The following SH3BGR variants were observed in gnomAD, a reference collection of about 807,000 sequenced individuals.
SH3BGR encodes SH3 domain binding glutamate rich protein.
A neutral mutation model predicts 24.5 loss-of-function variants in SH3BGR; 29 were observed. The observed-to-expected ratio is 1.18, with a 90% CI of 0.88 to 1.61. The LOEUF (loss-of-function observed/expected upper bound fraction) is 1.61, where lower values mean the gene tolerates loss of function less well. Among genes scored for constraint, SH3BGR ranks in the 40% most tolerant of loss-of-function variants. The probability of loss-of-function intolerance (pLI) is 0.00; values close to 1 mark genes in which losing one functional copy is unlikely to be tolerated. For synonymous variants in SH3BGR, 55 were observed against 65.7 expected, an observed-to-expected ratio of 0.84 and a Z score of 0.79; for missense variants, 162 against 205.8, an observed-to-expected ratio of 0.79 and a Z score of 1.30.
Position 39,452,020 on chromosome 21 carries a change from G to A in SH3BGR, c.-77G>A. The A allele has an allele frequency of 1.2e-6, 2 of 1,614,172 alleles. No individual in the cohort carries two copies. The highest frequency in any genetic ancestry group is 1.7e-6 in the Non-Finnish European group (2 of 1,180,020). On this transcript the variant is annotated 5_prime_UTR_variant, in exon 1 of 7. Transcript: ENST00000333634. Reference sequence around the variant, plus strand: ...CCCGACCTGGCACTTGCTTGCCTGTGTCACTGTCAGGATTTGTCTAGCGGC... The same window carrying A: ...CCCGACCTGGCACTTGCTTGCCTGTATCACTGTCAGGATTTGTCTAGCGGC...
chr21:39,497,783 T>C (rs2078424189), intron 3 of SH3BGR, among the ~76,000 whole-genome samples: 1 of 152,192 alleles, frequency 6.6e-6, no homozygotes, highest in South Asian at 2.1e-4. Flanking sequence ...AAAATGAAAT[T>C]CTATTTTCTT....
chr21:39,480,800 AG>A (rs1305685403), intron 3 of SH3BGR, among the ~76,000 whole-genome samples: 1 of 152,226 alleles, frequency 6.6e-6, no homozygotes, highest in Non-Finnish European at 1.5e-5. Flanking sequence ...GGAGAGGCCC[AG>A]GGATCTACAT....
chr21:39,483,037 G>A (rs773474767), intron 3 of SH3BGR, among the ~76,000 whole-genome samples: 2 of 152,194 alleles, frequency 1.3e-5, no homozygotes, highest in Admixed American at 6.5e-5. Context: ...TTAGTTAAAA[G>A]CCCTTAAAAT....
chr21:39,514,512 C>G (rs1713795589), intron 6 of SH3BGR, among the ~76,000 whole-genome samples: 2 of 152,118 alleles, frequency 1.3e-5, no homozygotes, highest in Admixed American at 6.5e-5. Flanking sequence ...CAGGCACGCA[C>G]TACTATGCCT....
At chr21:39,477,225 G>A (rs2078041654) in intron 3 of SH3BGR, among the ~76,000 whole-genome samples, 1 of 151,960 alleles carries the variant, frequency 6.6e-6, no homozygotes, top group African/African-American at 2.4e-5. Flanking sequence ...ATGCTATTAT[G>A]GTGTCATAAT....
intron 4 of SH3BGR, 67 bp downstream of exon 4, chr21:39,499,982 G>A (rs2078466722): frequency 1.7e-6 from 2 of 1,151,294 alleles, no homozygotes; most frequent in Non-Finnish European, 2.6e-6. Flanking sequence ...TACAGGGCTT[G>A]TACAACTTGA....
upstream of SH3BGR, among the ~76,000 whole-genome samples, chr21:39,449,872 G>A (rs1464400556): frequency 6.6e-6 from 1 of 152,200 alleles, no homozygotes; most frequent in Non-Finnish European, 1.5e-5. Context: ...AGCACCTAGA[G>A]CAGATCTGGC....
intron 2 of SH3BGR, among the ~76,000 whole-genome samples, chr21:39,467,296 G>T (rs34564680): frequency 0.13 from 19,157 of 151,970 alleles, 1,648 homozygotes; most frequent in South Asian, 0.17. Flanking sequence ...GAAAGAAAAG[G>T]TTTTCCAAAT....
upstream of SH3BGR, chr21:39,451,813 AG>A: frequency 2.2e-6 from 3 of 1,372,134 alleles, no homozygotes; most frequent in Non-Finnish European, 3.0e-6. Context: ...TTAAAGTGAT[AG>A]GGAAAGGGTC....
intron 4 of SH3BGR, 108 bp downstream of exon 4, chr21:39,500,023 A>C: frequency 1.3e-6 from 1 of 770,190 alleles, no homozygotes; most frequent in South Asian, 1.6e-5. Flanking sequence ...AAAGAGGGCA[A>C]GGAGCTGAGA....
At chr21:39,492,466 G>GTGTATATATATA (rs1404293146) in intron 3 of SH3BGR, among the ~76,000 whole-genome samples, 2 of 139,730 alleles carry the variant, frequency 1.4e-5, no homozygotes, top group African/African-American at 5.7e-5. Context: ...GTGTGTGTGT[G>GTGTATATATATA]TATATATATA....
chr21:39,461,735 GT>G (rs1053637353), intron 1 of SH3BGR, among the ~76,000 whole-genome samples: 18 of 152,250 alleles, frequency 1.2e-4, no homozygotes, highest in African/African-American at 4.3e-4. Context: ...TAGGTTTTCA[GT>G]TTGTTTATGT....
rs1602081343 is a variant in SH3BGR at position 39,462,242 on chromosome 21, A to G, written c.46-133A>G. The G allele has an allele frequency of 1.6e-5, 10 of 634,436 alleles. No homozygotes were observed. The East Asian group carries it at 2.5e-4, about 16-fold the overall frequency. 39.3% of individuals were successfully genotyped at this position (634,436 alleles called of 1,614,324 possible). A position where few individuals can be genotyped will look rare whatever the true frequency, so the allele number is the denominator to read the frequency against. On this transcript the variant is annotated intron_variant, in intron 1 of 6. Transcript: ENST00000333634. ...CTTTATAACAAAGAGGTGTGATTCT[A>G]TTATTTTCCTTGTTTGAATACTTAA...
intron 3 of SH3BGR, among the ~76,000 whole-genome samples, chr21:39,492,481 T>TAC (rs900456010): frequency 0.075 from 6,130 of 81,442 alleles, 151 homozygotes; most frequent in Middle Eastern, 0.14. Flanking sequence ...TATATATATA[T>TAC]ACACACACAC....
At chr21:39,474,886 TAGGG>T (rs1487550884) in intron 2 of SH3BGR, among the ~76,000 whole-genome samples, 3 of 40,082 alleles carry the variant, frequency 7.5e-5, no homozygotes, top group Non-Finnish European at 1.6e-4. Context: ...TGAGCATGGG[TAGGG>T]GTGTGTGTGT....
chr21:39,474,347 A>T (rs907466905), intron 2 of SH3BGR, among the ~76,000 whole-genome samples: 1 of 152,216 alleles, frequency 6.6e-6, no homozygotes, highest in Non-Finnish European at 1.5e-5. Flanking sequence ...CCTGTAGGAC[A>T]AACACCTGTG....
intron 3 of SH3BGR, among the ~76,000 whole-genome samples, chr21:39,496,211 C>CT (rs2078391101): frequency 6.6e-6 from 1 of 152,098 alleles, no homozygotes; most frequent in Admixed American, 6.5e-5. Context: ...TTAAAATTAT[C>CT]TTTATTTGGC....
At chr21:39,504,939 A>G (rs1398907067) in intron 4 of SH3BGR, among the ~76,000 whole-genome samples, 2 of 152,086 alleles carry the variant, frequency 1.3e-5, no homozygotes, top group African/African-American at 4.8e-5. Flanking sequence ...CAGCCTCCCG[A>G]GTAGCTGGGA....
At chr21:39,454,706 G>A (rs919204525) in intron 1 of SH3BGR, among the ~76,000 whole-genome samples, 12 of 152,156 alleles carry the variant, frequency 7.9e-5, no homozygotes, top group Admixed American at 5.9e-4. Context: ...TGTAAATATC[G>A]TGGGAAAAAT....
Sources: allele counts gnomAD v4.1 joint callset (sites outside exome capture counted in the v4.1 genomes callset), GRCh38; gene constraint gnomAD v4.1.1; transcripts MANE v1.5; gene names NCBI Gene and HGNC (gene_info 2026-07-23, HGNC 2026-07-21).